CDH2: variants seen among roughly 807,000 people sequenced by gnomAD.
CDH2 encodes the protein cadherin 2, also known as cadherin-2.
Under a neutral mutation model 92.0 loss-of-function variants are expected in CDH2, and 17 were observed. The observed-to-expected ratio is 0.18, with a 90% CI of 0.13 to 0.28. The LOEUF is 0.28. Among genes scored for constraint, CDH2 ranks in the 10% least tolerant of loss-of-function variants. The pLI is 1.00. For synonymous variants in CDH2, 419 were observed against 415.9 expected, an observed-to-expected ratio of 1.01 and a Z score of -0.09; for missense variants, 862 against 1,133.1, an observed-to-expected ratio of 0.76 and a Z score of 3.44.
intron 2 of CDH2, among the ~76,000 whole-genome samples, chr18:28,074,784 G>C (rs2014688003): frequency 6.7e-6 from 1 of 150,350 alleles, no homozygotes; most frequent in Non-Finnish European, 1.5e-5. Context: ...AAAATTATGG[G>C]GTTCAGCCTA....
intron 2 of CDH2, among the ~76,000 whole-genome samples, chr18:28,074,763 A>C (rs1275133174): frequency 6.6e-6 from 1 of 151,328 alleles, no homozygotes; most frequent in Admixed American, 6.6e-5. Flanking sequence ...GGTTTCGAGA[A>C]TTCTTGGCTA....
intron 1 of CDH2, among the ~76,000 whole-genome samples, chr18:28,162,328 G>T (rs372245545): frequency 8.5e-5 from 13 of 152,266 alleles, no homozygotes; most frequent in Admixed American, 7.2e-4. Context: ...GTACTTAGGG[G>T]AGCACAAATG....
At chr18:28,079,290 C>A (rs2014783000) in intron 2 of CDH2, among the ~76,000 whole-genome samples, 1 of 152,078 alleles carries the variant, frequency 6.6e-6, no homozygotes, top group Admixed American at 6.6e-5. Flanking sequence ...CTATTGCTTT[C>A]TTTAATTTCT....
At position 28,005,693 on chromosome 18, in the gene CDH2, T is replaced by C. The variant is rs1182594013; in HGVS notation, c.847+156A>G. Among the ~76,000 whole-genome samples the C allele has an allele frequency of 2.0e-5, 3 of 152,286 alleles. No individual in the cohort carries two copies. The East Asian group carries it at 5.8e-4, about 29-fold the overall frequency. On this transcript the variant is annotated intron_variant, in intron 6 of 15. Coordinates refer to ENST00000269141, the MANE Select transcript of CDH2 (RefSeq NM_001792.5). ...TGTTTTTCTCTCTTCAATTGGTTTT[T>C]CCCTAAGTTACCTTCCTTCTTTCCC...
At chr18:28,088,605 G>A (rs551321314) in intron 2 of CDH2, among the ~76,000 whole-genome samples, 2 of 152,128 alleles carry the variant, frequency 1.3e-5, no homozygotes, top group Non-Finnish European at 2.9e-5. Flanking sequence ...TGGGGCCTAT[G>A]TAAGTCTGTC....
At chr18:28,031,709 G>A (rs1423780141) in intron 2 of CDH2, among the ~76,000 whole-genome samples, 4 of 152,074 alleles carry the variant, frequency 2.6e-5, no homozygotes, top group Non-Finnish European at 1.5e-5. Context: ...GGGGAATCAC[G>A]AGAACTTGGA....
At chr18:28,164,079 G>A (rs970931792) in intron 1 of CDH2, among the ~76,000 whole-genome samples, 17 of 152,042 alleles carry the variant, frequency 1.1e-4, no homozygotes, top group Admixed American at 3.3e-4. Flanking sequence ...CCTCTATATC[G>A]TATCCTCATA....
chr18:28,002,247 C>T (rs988777631), intron 7 of CDH2, among the ~76,000 whole-genome samples: 1 of 152,138 alleles, frequency 6.6e-6, no homozygotes, highest in African/African-American at 2.4e-5. Context: ...AAGGGGATCA[C>T]ATGTACAAAA....
At chr18:28,123,661 T>C (rs927134288) in intron 2 of CDH2, among the ~76,000 whole-genome samples, 2 of 152,104 alleles carry the variant, frequency 1.3e-5, no homozygotes, top group East Asian at 1.9e-4. Flanking sequence ...AACAGACACC[T>C]TCCTACCCTG....
chr18:27,968,923 C>G (rs1236150507), intron 14 of CDH2, among the ~76,000 whole-genome samples: 2 of 152,122 alleles, frequency 1.3e-5, no homozygotes, highest in African/African-American at 4.8e-5. Context: ...GAGAAGAACA[C>G]TATTATCTCA....
chr18:28,094,851 C>G (rs2015102614), intron 2 of CDH2, among the ~76,000 whole-genome samples: 1 of 142,850 alleles, frequency 7.0e-6, no homozygotes, highest in Admixed American at 7.1e-5. Context: ...TAAATGCTAC[C>G]TTTCAGAGAC....
intron 2 of CDH2, among the ~76,000 whole-genome samples, chr18:28,027,813 A>G (rs2013596042): frequency 6.6e-6 from 1 of 150,990 alleles, no homozygotes. Flanking sequence ...CTAAAAATAT[A>G]TAAAATTATC....
At chr18:28,170,020 G>A (rs917143309) in intron 1 of CDH2, among the ~76,000 whole-genome samples, 2 of 152,156 alleles carry the variant, frequency 1.3e-5, no homozygotes, top group Admixed American at 6.5e-5. Flanking sequence ...ATATTACCAT[G>A]GTTTACCCAA....
intron 2 of CDH2, among the ~76,000 whole-genome samples, chr18:28,115,037 C>G (rs2015474087): frequency 6.6e-6 from 1 of 152,136 alleles, no homozygotes; most frequent in African/African-American, 2.4e-5. Flanking sequence ...AAGTCATGTT[C>G]CAGTGATCTC....
At chr18:28,159,358 G>C (rs1234887543) in intron 1 of CDH2, 1 of 152,218 alleles carries the variant, frequency 6.6e-6, no homozygotes, top group Non-Finnish European at 1.5e-5. Flanking sequence ...CATTGTAAGG[G>C]GGACTTGCCA....
intron 2 of CDH2, among the ~76,000 whole-genome samples, chr18:28,092,469 A>G (rs2015053946): frequency 6.6e-6 from 1 of 152,108 alleles, no homozygotes; most frequent in Non-Finnish European, 1.5e-5. Flanking sequence ...ATTGTAATAA[A>G]TTGCTCAATC....
At chr18:28,018,903 ATGTG>A (rs950166311) in intron 2 of CDH2, among the ~76,000 whole-genome samples, 2 of 149,922 alleles carry the variant, frequency 1.3e-5, no homozygotes, top group African/African-American at 4.9e-5. Flanking sequence ...GTACATATAT[ATGTG>A]TGTGTATATA....
At chr18:27,993,205 C>T (rs2012478264) in intron 8 of CDH2, among the ~76,000 whole-genome samples, 5 of 152,168 alleles carry the variant, frequency 3.3e-5, no homozygotes, top group Admixed American at 3.3e-4. Flanking sequence ...AGTCATGCAG[C>T]TCATGCACCT....
At position 27,955,761 on chromosome 18, in the gene CDH2, GTTTTT is replaced by G. The variant is rs5823568; in HGVS notation, c.2515-3407_2515-3403del. ...ACAAATCTCTGTTTTCTTTATTTCT[GTTTTT>G]TTTTTTTTTTTTTTAAAGAGGTTAA... On this transcript the variant is annotated intron_variant, in intron 15 of 15. Coordinates refer to ENST00000269141, the MANE Select transcript of CDH2 (RefSeq NM_001792.5). Among the ~76,000 whole-genome samples, 571 of 111,634 alleles carry G rather than the reference GTTTTT, an allele frequency of 5.1e-3. 7 individuals carry two copies. Among genetic ancestry groups the G allele is most frequent in the Middle Eastern group, 0.041 (7 of 170 alleles). The allele number at this position is 111,634 out of a possible 152,430, so 73.2% of individuals were successfully genotyped here. A position where few individuals can be genotyped will look rare whatever the true frequency, so the allele number is the denominator to read the frequency against.
Sources: allele counts gnomAD v4.1 joint callset (sites outside exome capture counted in the v4.1 genomes callset), GRCh38; gene constraint gnomAD v4.1.1; transcripts MANE v1.5; gene names NCBI Gene and HGNC (gene_info 2026-07-23, HGNC 2026-07-21).